Variants in KLF12 observed in about 807,000 individuals in gnomAD.
The protein encoded by KLF12 is KLF transcription factor 12.
A neutral mutation model predicts 37.8 loss-of-function variants in KLF12; 9 were observed. The ratio of observed to expected loss-of-function variants is 0.24; its 90% CI spans 0.14 to 0.42. The LOEUF (loss-of-function observed/expected upper bound fraction) is 0.42, where lower values mean the gene tolerates loss of function less well. KLF12 is among the 10% of genes least tolerant of loss of function. The pLI is 1.00. For missense variants in KLF12, 411 were observed against 516.0 expected (o/e 0.80, Z 1.97); for synonymous variants, 208 against 202.1 (o/e 1.03, Z -0.25).
chr13:74,177,379 T>G, the KLF12 span, among the ~76,000 whole-genome samples: 1 of 152,318 alleles, frequency 6.6e-6, no homozygotes, highest in Non-Finnish European at 1.5e-5. Context: ...ATTTTATAAG[T>G]GCCTATTTTT....
At chr13:74,054,391 AG>A (rs931882771) in intron 1 of KLF12, among the ~76,000 whole-genome samples, 11 of 152,216 alleles carry the variant, frequency 7.2e-5, no homozygotes, top group Admixed American at 1.3e-4. Context: ...TTTTTCCATC[AG>A]CATAAAAATC....
intron 3 of KLF12, among the ~76,000 whole-genome samples, chr13:73,929,352 T>C (rs1889556328): frequency 6.6e-6 from 1 of 152,164 alleles, no homozygotes; most frequent in Non-Finnish European, 1.5e-5. Flanking sequence ...ATGAGGCAGA[T>C]ATTATAATCC....
At chr13:73,921,443 T>C (rs1405100938) in intron 3 of KLF12, among the ~76,000 whole-genome samples, 1 of 152,202 alleles carries the variant, frequency 6.6e-6, no homozygotes, top group African/African-American at 2.4e-5. Flanking sequence ...TATGTATTAA[T>C]ATTTTTTCTT....
At chr13:73,701,286 C>T (rs112851962) in intron 7 of KLF12, among the ~76,000 whole-genome samples, 7,185 of 152,250 alleles carry the variant, frequency 0.047, 207 homozygotes, top group Middle Eastern at 0.095. Flanking sequence ...AGAAATAATG[C>T]ATTTCCCCTA....
chr13:73,851,917 A>G (rs1885353589), intron 3 of KLF12, among the ~76,000 whole-genome samples: 1 of 152,228 alleles, frequency 6.6e-6, no homozygotes, highest in African/African-American at 2.4e-5. Flanking sequence ...AGTGCACAGT[A>G]GGTACATGGC....
intron 2 of KLF12, among the ~76,000 whole-genome samples, chr13:73,973,570 T>C (rs868631564): frequency 1.3e-5 from 2 of 152,112 alleles, no homozygotes; most frequent in East Asian, 1.9e-4. Flanking sequence ...TCTCAAAGTG[T>C]AGCTCCCTAG....
chr13:73,950,624 T>G (rs1328103916), intron 2 of KLF12, among the ~76,000 whole-genome samples: 1 of 151,518 alleles, frequency 6.6e-6, no homozygotes, highest in Non-Finnish European at 1.5e-5. Flanking sequence ...ATAAGAGGAG[T>G]GTTCAGAAAG....
intron 6 of KLF12, among the ~76,000 whole-genome samples, chr13:73,730,908 C>T (rs1189970241): frequency 6.6e-6 from 1 of 150,992 alleles, no homozygotes; most frequent in Non-Finnish European, 1.5e-5. Context: ...TGTGTAGGTC[C>T]TGGAAGTGCC....
chr13:73,813,607 C>T (rs1028796089), intron 4 of KLF12, among the ~76,000 whole-genome samples: 1 of 152,086 alleles, frequency 6.6e-6, no homozygotes, highest in African/African-American at 2.4e-5. Context: ...ACTGTTCAAC[C>T]CTCTGGTTTC....
intron 3 of KLF12, among the ~76,000 whole-genome samples, chr13:73,931,895 A>G (rs1351995200): frequency 6.6e-6 from 1 of 152,048 alleles, no homozygotes; most frequent in Admixed American, 6.6e-5. Flanking sequence ...AATTTATAAC[A>G]AAACTTCAAG....
the KLF12 span, among the ~76,000 whole-genome samples, chr13:74,200,874 TG>T: frequency 1.3e-5 from 2 of 152,306 alleles, no homozygotes; most frequent in African/African-American, 4.8e-5. Context: ...ATGAACTTTA[TG>T]GGAATGTCTA....
At chr13:73,887,726 A>C (rs1225380298) in intron 3 of KLF12, among the ~76,000 whole-genome samples, 1 of 38,128 alleles carries the variant, frequency 2.6e-5, no homozygotes, top group Non-Finnish European at 6.2e-5. Flanking sequence ...ATGGTTTTAC[A>C]AAAAAAACAC....
chr13:74,084,705 T>C (rs1038697644), intron 1 of KLF12, among the ~76,000 whole-genome samples: 2 of 151,904 alleles, frequency 1.3e-5, no homozygotes, highest in African/African-American at 4.8e-5. Flanking sequence ...TAGGAAACAA[T>C]AAAGCCTAAA....
At chr13:73,839,986 C>T (rs1884655092) in intron 4 of KLF12, among the ~76,000 whole-genome samples, 2 of 152,254 alleles carry the variant, frequency 1.3e-5, no homozygotes, top group South Asian at 4.1e-4. Flanking sequence ...AAAACTACTC[C>T]AAAGAACTAT....
Position 73,813,293 on chromosome 13 carries a change from G to A in KLF12, c.671-6C>T, listed in dbSNP as rs1157326741. 1 of 1,613,798 alleles carries A rather than the reference G, an allele frequency of 6.2e-7. No homozygotes were observed. Among genetic ancestry groups the A allele is most frequent in the Non-Finnish European group, 8.5e-7 (1 of 1,179,832 alleles). ...GCCTCGGGGGTCCATTTGTGCTGGA[G>A]AGAAAAGGCATATATAATGAATTAA... On this transcript the variant is annotated splice_region_variant and splice_polypyrimidine_tract_variant and intron_variant, in intron 4 of 7. Transcript: ENST00000377669.
intron 1 of KLF12, among the ~76,000 whole-genome samples, chr13:74,088,384 T>C (rs533691081): frequency 2.4e-4 from 37 of 152,208 alleles, no homozygotes; most frequent in Non-Finnish European, 4.1e-4. Context: ...TATGCCACTA[T>C]GCCTGGCTAG....
chr13:73,904,811 G>T (rs1888199333), intron 3 of KLF12, among the ~76,000 whole-genome samples: 1 of 152,102 alleles, frequency 6.6e-6, no homozygotes, highest in African/African-American at 2.4e-5. Flanking sequence ...AAGGCCAAAT[G>T]ACAGCACTGG....
intron 5 of KLF12, among the ~76,000 whole-genome samples, chr13:73,789,421 C>T (rs1462300462): frequency 1.3e-5 from 2 of 152,126 alleles, no homozygotes; most frequent in Non-Finnish European, 2.9e-5. Context: ...ACCAATTCTA[C>T]ACATACTTCT....
Position 73,748,806 on chromosome 13 carries a change from G to A in KLF12, c.869+16132C>T, listed in dbSNP as rs375558024. On this transcript the variant is annotated intron_variant, in intron 6 of 7. Transcript: ENST00000377669. ...TGAAGAGTTTGATGATTTGCTTAAC[G>A]CCAAAAGCCAACAGCAGGTAGAATT... Among the ~76,000 whole-genome samples, 43 of 152,250 alleles carry A rather than the reference G, an allele frequency of 2.8e-4. 1 individual carries two copies. In the South Asian group the frequency reaches 3.7e-3, roughly 13 times the overall value.
Sources: allele counts gnomAD v4.1 joint callset (sites outside exome capture counted in the v4.1 genomes callset), GRCh38; gene constraint gnomAD v4.1.1; transcripts MANE v1.5; gene names NCBI Gene and HGNC (gene_info 2026-07-23, HGNC 2026-07-21).